Variants in ZNF236 observed in about 807,000 individuals in gnomAD.
The protein encoded by ZNF236 is regulated by glucose.
Under a neutral mutation model 191.2 loss-of-function variants are expected in ZNF236, and 50 were observed. The ratio of observed to expected loss-of-function variants is 0.26; its 90% confidence interval spans 0.21 to 0.33. The LOEUF is 0.33. Ranked by LOEUF, ZNF236 falls within the 10% of genes least tolerant of loss-of-function variation. The pLI is 1.00. For synonymous variants in ZNF236, 907 were observed against 928.8 expected (o/e 0.98, Z 0.43); for missense variants, 1,754 against 2,374.5 (o/e 0.74, Z 5.43).
chr18:76,870,724 G>A (rs1976559674), intron 4 of ZNF236, among the ~76,000 whole-genome samples: 1 of 152,054 alleles, frequency 6.6e-6, no homozygotes, highest in South Asian at 2.1e-4. Context: ...TGAGGAGCAG[G>A]GAGCCCTGCA....
At position 76,828,654 on chromosome 18, in the gene ZNF236, C is replaced by T. The variant is rs567910576; in HGVS notation, c.55+5992C>T. On this transcript the variant is annotated intron_variant, in intron 1 of 30. Transcript: ENST00000320610. ...CCATAATTGAACTTTTTAGGTAGGC[C>T]GAAATTTGGAGTATGTGTTTATTTA... Among the ~76,000 whole-genome samples the T allele has an allele frequency of 5.9e-5, 9 of 152,162 alleles. No homozygotes were observed. The South Asian group carries it at 6.2e-4, about 11-fold the overall frequency.
intron 3 of ZNF236, among the ~76,000 whole-genome samples, chr18:76,864,870 A>G (rs1166260210): frequency 6.6e-6 from 1 of 152,080 alleles, no homozygotes; most frequent in East Asian, 1.9e-4. Flanking sequence ...ATACAAAGCA[A>G]TGTACTCGAA....
intron 11 of ZNF236, among the ~76,000 whole-genome samples, chr18:76,901,303 A>G (rs1977585501): frequency 6.6e-6 from 1 of 152,246 alleles, no homozygotes; most frequent in South Asian, 2.1e-4. Context: ...TGAGGTAACA[A>G]TTGTTTGCAA....
intron 11 of ZNF236, among the ~76,000 whole-genome samples, chr18:76,901,226 C>T (rs991057207): frequency 6.6e-6 from 1 of 152,100 alleles, no homozygotes; most frequent in Non-Finnish European, 1.5e-5. Context: ...ATATAGATGA[C>T]TTGTCACTAA....
intron 27 of ZNF236, among the ~76,000 whole-genome samples, chr18:76,954,277 G>T (rs1968473352): frequency 6.6e-6 from 1 of 152,146 alleles, no homozygotes; most frequent in Non-Finnish European, 1.5e-5. Context: ...GAATGATGTG[G>T]ACCAGATATT....
At chr18:76,907,956 G>A (rs545482000) in intron 13 of ZNF236, among the ~76,000 whole-genome samples, 1 of 152,162 alleles carries the variant, frequency 6.6e-6, no homozygotes. Flanking sequence ...GTCTCATTTA[G>A]TACAATTATT....
intron 1 of ZNF236, among the ~76,000 whole-genome samples, chr18:76,837,441 T>TTC (rs1555684837): frequency 7.0e-6 from 1 of 142,462 alleles, no homozygotes; most frequent in Admixed American, 6.9e-5. Context: ...CTTTTTCTTT[T>TTC]TTTTTTTTTT....
chr18:76,829,770 C>G (rs1420944921), intron 1 of ZNF236, among the ~76,000 whole-genome samples: 1 of 152,254 alleles, frequency 6.6e-6, no homozygotes, highest in African/African-American at 2.4e-5. Context: ...CATGAGTTTT[C>G]CTGTCAAGCC....
chr18:76,900,942 C>T (rs974537286), intron 11 of ZNF236, among the ~76,000 whole-genome samples: 14 of 152,130 alleles, frequency 9.2e-5, no homozygotes, highest in South Asian at 4.2e-4. Flanking sequence ...ATTAGATTCT[C>T]GGAAGGAGTG....
At chr18:76,827,328 G>T (rs1975046865) in intron 1 of ZNF236, among the ~76,000 whole-genome samples, 1 of 152,034 alleles carries the variant, frequency 6.6e-6, no homozygotes, top group Non-Finnish European at 1.5e-5. Context: ...TGGGACTACA[G>T]GTGCATGCCA....
At chr18:76,933,185 G>A (rs1208578191) in intron 25 of ZNF236, among the ~76,000 whole-genome samples, 3 of 152,108 alleles carry the variant, frequency 2.0e-5, no homozygotes, top group Admixed American at 6.6e-5. Flanking sequence ...AGAGCCAGCC[G>A]AGGCCGGGCA....
intron 14 of ZNF236, among the ~76,000 whole-genome samples, chr18:76,909,132 T>C (rs1410932590): frequency 6.6e-6 from 1 of 151,942 alleles, no homozygotes; most frequent in Non-Finnish European, 1.5e-5. Flanking sequence ...AGCCTGGCTA[T>C]GGTGAAACCG....
At chr18:76,912,952 G>C (rs959094420) in intron 17 of ZNF236, among the ~76,000 whole-genome samples, 1 of 152,196 alleles carries the variant, frequency 6.6e-6, no homozygotes, top group Admixed American at 6.5e-5. Context: ...CGCCAAACCA[G>C]ATTTACAAGA....
chr18:76,863,602 T>G (rs1976306597), intron 3 of ZNF236, among the ~76,000 whole-genome samples: 1 of 152,082 alleles, frequency 6.6e-6, no homozygotes, highest in African/African-American at 2.4e-5. Context: ...TTTTTTTTTT[T>G]TTTAAATTAG....
At chr18:76,843,951 G>A (rs1223927101) in intron 1 of ZNF236, among the ~76,000 whole-genome samples, 2 of 149,090 alleles carry the variant, frequency 1.3e-5, no homozygotes, top group Admixed American at 1.3e-4. Flanking sequence ...AGGTAGAAGG[G>A]AGTTTTAAAT....
At chr18:76,938,372 A>G (rs1968052186) in intron 26 of ZNF236, among the ~76,000 whole-genome samples, 3 of 152,196 alleles carry the variant, frequency 2.0e-5, no homozygotes, top group Admixed American at 1.3e-4. Flanking sequence ...CCTGAACGAC[A>G]GAGTGAGACC....
intron 9 of ZNF236, chr18:76,887,961 A>T (rs1402396570): frequency 6.6e-6 from 1 of 151,026 alleles, no homozygotes; most frequent in Non-Finnish European, 1.5e-5. Context: ...TCTGATTTGT[A>T]TAATGATTAT....
rs557105465 is a variant in ZNF236 at position 76,956,987 on chromosome 18, A to G, written c.5112+805A>G. Among the ~76,000 whole-genome samples, 4 of 152,158 alleles carry G rather than the reference A, an allele frequency of 2.6e-5. No homozygotes were observed. The South Asian group carries it at 8.3e-4, about 32-fold the overall frequency. On this transcript the variant is annotated intron_variant, in intron 28 of 30. Coordinates refer to ENST00000320610, the MANE Select transcript of ZNF236 (RefSeq NM_001306089.2). ...GATGAAAGTGGCACTTTTCCCAAAA[A>G]CCCCGTAACATGAGAAAAACAGACA...
In ZNF236 at chr18:76,878,002, C is replaced by A. The variant is rs1976762919; in HGVS notation, c.841-7C>A. 1 of 1,543,880 alleles carries A rather than the reference C, an allele frequency of 6.5e-7. No individual in the cohort carries two copies. Among genetic ancestry groups the A allele is most frequent in the Non-Finnish European group, 8.8e-7 (1 of 1,141,796 alleles). On this transcript the variant is annotated splice_polypyrimidine_tract_variant and splice_region_variant and intron_variant, in intron 6 of 30. Coordinates refer to ENST00000320610, the MANE Select transcript of ZNF236 (RefSeq NM_001306089.2). Reference sequence around the variant, plus strand: ...AAACATCATTTTTTTCCTTTTTATTCTTTAAGGTCAAGAATGGTCCTACCT... The same window carrying A: ...AAACATCATTTTTTTCCTTTTTATTATTTAAGGTCAAGAATGGTCCTACCT...
Sources: allele counts gnomAD v4.1 joint callset (sites outside exome capture counted in the v4.1 genomes callset), GRCh38; gene constraint gnomAD v4.1.1; transcripts MANE v1.5; gene names NCBI Gene and HGNC (gene_info 2026-07-23, HGNC 2026-07-21).